SOS1: variants seen among roughly 807,000 people sequenced by gnomAD.
The protein encoded by SOS1 is SOS Ras/Rac guanine nucleotide exchange factor 1.
A neutral mutation model predicts 157.6 loss-of-function variants in SOS1; 25 were observed. That is an observed-to-expected ratio of 0.16 (90% CI 0.12 to 0.22). The LOEUF is 0.22. Ranked by LOEUF, SOS1 falls within the 10% of genes least tolerant of loss-of-function variation. The pLI, the probability that SOS1 is intolerant of heterozygous loss-of-function variation, is 1.00. For missense variants in SOS1, 1,237 were observed against 1,599.1 expected (o/e 0.77, Z 3.86); for synonymous variants, 528 against 534.0 (o/e 0.99, Z 0.16).
intron 2 of SOS1, among the ~76,000 whole-genome samples, chr2:39,066,084 C>T (rs1458527077): frequency 1.3e-5 from 2 of 152,068 alleles, no homozygotes; most frequent in African/African-American, 4.8e-5. Context: ...TCTATCAATC[C>T]CTCAGCCTTC....
At chr2:38,993,652 CA>C (rs1228754984) in intron 20 of SOS1, 3 of 152,132 alleles carry the variant, frequency 2.0e-5, no homozygotes, top group Admixed American at 2.0e-4. Flanking sequence ...ATTTGACCCC[CA>C]GAAGGCACAG....
intron 1 of SOS1, among the ~76,000 whole-genome samples, chr2:39,114,977 G>C (rs7589303): frequency 6.6e-6 from 1 of 151,806 alleles, no homozygotes; most frequent in Non-Finnish European, 1.5e-5. Flanking sequence ...CTTGCTTCTC[G>C]GTCTCCTTAC....
chr2:39,039,810 T>C (rs528881722), intron 6 of SOS1, among the ~76,000 whole-genome samples: 21 of 152,292 alleles, frequency 1.4e-4, no homozygotes, highest in Non-Finnish European at 2.6e-4. Flanking sequence ...ACTCTTCAGC[T>C]ATTACCTCCC....
chr2:39,016,313 A>C (rs1387055267), intron 10 of SOS1, among the ~76,000 whole-genome samples: 1 of 152,090 alleles, frequency 6.6e-6, no homozygotes, highest in Admixed American at 6.6e-5. Context: ...ATACCTTCTG[A>C]GGCTAGAGTG....
chr2:39,007,844 C>T (rs1352557049), intron 15 of SOS1, among the ~76,000 whole-genome samples: 7 of 152,130 alleles, frequency 4.6e-5, no homozygotes, highest in African/African-American at 1.7e-4. Context: ...TGCACACGCA[C>T]ACACACACAT....
chr2:39,007,816 TACAC>T (rs1241304551), intron 15 of SOS1, among the ~76,000 whole-genome samples: 1 of 151,622 alleles, frequency 6.6e-6, no homozygotes, highest in Admixed American at 6.6e-5. Context: ...AAAACACACA[TACAC>T]ACAAACACAC....
At chr2:38,989,569 T>C (rs548780874) in intron 20 of SOS1, among the ~76,000 whole-genome samples, 94 of 152,162 alleles carry the variant, frequency 6.2e-4, no homozygotes, top group African/African-American at 2.0e-3. Flanking sequence ...AAAAATCGTA[T>C]ATTACTGAAA....
chr2:39,022,625 G>C lies in SOS1; in HGVS notation c.1803C>G (p.Ile601Met). The C allele has an allele frequency of 6.2e-7, 1 of 1,613,222 alleles. No individual in the cohort carries two copies. Among genetic ancestry groups the C allele is most frequent in the Non-Finnish European group, 8.5e-7 (1 of 1,179,302 alleles). ...TAAGTTTAATAACAGTTCCTGCTTT[G>C]ATAATTGGAATTCCAGCCTTGGGCT... is the stretch of plus-strand genomic sequence containing the variant. Reference protein sequence around the residue: ...NMQPKAGIPIIKAGTVIKLIE... With the variant: ...NMQPKAGIPIMKAGTVIKLIE... Residue 601 changes from isoleucine to methionine, a missense_variant, in exon 10 of 23, where the codon ATC (isoleucine) becomes ATG (methionine). By Grantham distance (10) the Ile-to-Met change is conservative (BLOSUM62 1). Transcript: ENST00000402219.
chr2:39,100,005 C>T (rs1234909012), intron 1 of SOS1, among the ~76,000 whole-genome samples: 1 of 152,226 alleles, frequency 6.6e-6, no homozygotes, highest in Non-Finnish European at 1.5e-5. Context: ...GCATGAGCCA[C>T]TGTGCCCGGC....
intron 1 of SOS1, among the ~76,000 whole-genome samples, chr2:39,084,395 T>C (rs1243792862): frequency 6.6e-6 from 1 of 152,038 alleles, no homozygotes; most frequent in Non-Finnish European, 1.5e-5. Flanking sequence ...TAATTATAAA[T>C]TAAGTATATA....
chr2:39,034,757 G>C (rs1409999779), intron 8 of SOS1: 2 of 454,530 alleles, frequency 4.4e-6, no homozygotes, highest in South Asian at 1.6e-5. Flanking sequence ...AGCTATGAAA[G>C]TCAGGTAAAC....
chr2:39,118,600 G>T (rs1000496322), intron 1 of SOS1, among the ~76,000 whole-genome samples: 3 of 152,154 alleles, frequency 2.0e-5, no homozygotes, highest in Non-Finnish European at 2.9e-5. Flanking sequence ...TGGGGGCTGT[G>T]GTAAGGTGGA....
intron 10 of SOS1, among the ~76,000 whole-genome samples, chr2:39,020,757 A>G (rs191687839): frequency 6.6e-6 from 1 of 151,898 alleles, no homozygotes; most frequent in African/African-American, 2.4e-5. Context: ...TAGCCCAAAT[A>G]AGCTAACAGT....
At chr2:39,027,196 A>C (rs1205020380) in intron 8 of SOS1, among the ~76,000 whole-genome samples, 1 of 152,228 alleles carries the variant, frequency 6.6e-6, no homozygotes, top group African/African-American at 2.4e-5. Context: ...TATAATTCTC[A>C]TACACATAAA....
At chr2:39,115,188 A>G (rs1339068716) in intron 1 of SOS1, among the ~76,000 whole-genome samples, 1 of 152,168 alleles carries the variant, frequency 6.6e-6, no homozygotes, top group Non-Finnish European at 1.5e-5. Context: ...AAATTTCAGG[A>G]TATGTACACA....
chr2:39,122,491 G>A (rs1404374734), upstream of SOS1, among the ~76,000 whole-genome samples: 2 of 138,338 alleles, frequency 1.4e-5, no homozygotes, highest in Non-Finnish European at 3.1e-5. Flanking sequence ...CAGACCGGCC[G>A]GGCGCAGTGG....
intron 1 of SOS1, among the ~76,000 whole-genome samples, chr2:39,075,876 A>T (rs1671954427): frequency 6.6e-6 from 1 of 152,050 alleles, no homozygotes; most frequent in Non-Finnish European, 1.5e-5. Flanking sequence ...CCTAAAAATT[A>T]TAAATTATCA....
chr2:39,003,708 C>T (rs1430786014), intron 17 of SOS1, among the ~76,000 whole-genome samples: 4 of 152,284 alleles, frequency 2.6e-5, no homozygotes, highest in South Asian at 2.1e-4. Context: ...GGGGCATCCC[C>T]CCCCACTCAA....
intron 1 of SOS1, among the ~76,000 whole-genome samples, chr2:39,089,126 A>G (rs1240421097): frequency 6.6e-6 from 1 of 152,232 alleles, no homozygotes. Context: ...CAGAGTGGCC[A>G]GTTAAGAGAT....
Sources: allele counts gnomAD v4.1 joint callset (sites outside exome capture counted in the v4.1 genomes callset), GRCh38; gene constraint gnomAD v4.1.1; transcripts MANE v1.5; gene names NCBI Gene and HGNC (gene_info 2026-07-23, HGNC 2026-07-21).